The following DPH6 variants were observed in gnomAD, a reference collection of about 807,000 sequenced individuals.
The protein encoded by DPH6 is diphthamine biosynthesis 6, also known as diphthine--ammonia ligase.
A neutral mutation model predicts 38.2 loss-of-function variants in DPH6; 33 were observed. That is an observed-to-expected ratio of 0.86 (90% CI 0.65 to 1.15). The LOEUF (loss-of-function observed/expected upper bound fraction) is 1.15. Ranked by LOEUF, DPH6 falls within the 50% of genes most tolerant of loss-of-function variation. The pLI, the probability that DPH6 is intolerant of heterozygous loss-of-function variation, is 0.00. For synonymous variants in DPH6, 108 were observed against 103.0 expected, an observed-to-expected ratio of 1.05 and a Z score of -0.30; for missense variants, 325 against 320.0, an observed-to-expected ratio of 1.02 and a Z score of -0.12.
intron 3 of DPH6, among the ~76,000 whole-genome samples, chr15:35,243,649 C>T (rs2051616285): frequency 6.7e-6 from 1 of 149,734 alleles, no homozygotes; most frequent in South Asian, 2.2e-4. Flanking sequence ...TGCCCCTGCC[C>T]ACCAGAGAAC....
chr15:35,164,078 A>G, the DPH6 span, among the ~76,000 whole-genome samples: 2 of 151,988 alleles, frequency 1.3e-5, no homozygotes, highest in East Asian at 3.9e-4. Context: ...CAAACCTGTA[A>G]AAGTTTTATA....
chr15:35,538,095 T>C, intron 3 of DPH6, 179 bp downstream of exon 3: 1 of 410,920 alleles, frequency 2.4e-6, no homozygotes, highest in East Asian at 3.6e-5. Context: ...TAAATATCAT[T>C]TAATATAAAG....
At chr15:35,149,178 A>G in the DPH6 span, among the ~76,000 whole-genome samples, 1 of 152,048 alleles carries the variant, frequency 6.6e-6, no homozygotes, top group South Asian at 2.1e-4. Flanking sequence ...CCAAAACTAA[A>G]CTAAACTGAA....
At chr15:35,460,489 A>C (rs887698669) in intron 3 of DPH6, among the ~76,000 whole-genome samples, 2 of 152,216 alleles carry the variant, frequency 1.3e-5, no homozygotes, top group African/African-American at 2.4e-5. Context: ...AAGTGAGACT[A>C]TTCTGCTTAG....
At chr15:35,330,533 C>T (rs2052319416), downstream of DPH6, among the ~76,000 whole-genome samples, 1 of 151,988 alleles carries the variant, frequency 6.6e-6, no homozygotes, top group Non-Finnish European at 1.5e-5. Flanking sequence ...ATCTTAGATG[C>T]CAAAATGTAC....
intron 3 of DPH6, among the ~76,000 whole-genome samples, chr15:35,263,649 G>A (rs546081905): frequency 1.8e-3 from 277 of 151,740 alleles, no homozygotes; most frequent in African/African-American, 6.5e-3. Context: ...GTGATCCTCC[G>A]ACCTAGGCCT....
intron 3 of DPH6, among the ~76,000 whole-genome samples, chr15:35,360,577 CAT>C (rs1225004647): frequency 6.6e-6 from 1 of 152,172 alleles, no homozygotes; most frequent in Non-Finnish European, 1.5e-5. Context: ...TTGAAGGTAA[CAT>C]ATGTGGGTAG....
intron 3 of DPH6, among the ~76,000 whole-genome samples, chr15:35,318,090 T>C (rs2052209212): frequency 6.6e-6 from 1 of 151,960 alleles, no homozygotes; most frequent in South Asian, 2.1e-4. Flanking sequence ...ATTGCTCCAA[T>C]TAAAACCCAA....
intron 8 of DPH6, among the ~76,000 whole-genome samples, chr15:35,372,915 T>A (rs996330161): frequency 1.3e-5 from 2 of 152,004 alleles, no homozygotes; most frequent in African/African-American, 4.8e-5. Context: ...ATCATTTTTA[T>A]GGTAACTAAT....
At chr15:35,222,988 C>T (rs2051452719) in intron 3 of DPH6, among the ~76,000 whole-genome samples, 1 of 152,128 alleles carries the variant, frequency 6.6e-6, no homozygotes, top group African/African-American at 2.4e-5. Flanking sequence ...TCTGGCTTGG[C>T]GATTTTGGCG....
rs555159357 is a variant in DPH6 at position 35,392,504 on chromosome 15, CG to C, written c.568-10589del. Among the ~76,000 whole-genome samples, 38 of 151,686 alleles carry C rather than the reference CG, an allele frequency of 2.5e-4. No individual in the cohort carries two copies. The South Asian group carries it at 7.7e-3, about 31-fold the overall frequency. On this transcript the variant is annotated intron_variant, in intron 6 of 8. Transcript: ENST00000256538. ...AAAAATCGCAATTTCATTTTATAAACGGTATTCTTAACATAGAAGATAATTC... is the reference window on the plus strand; with the variant it reads ...AAAAATCGCAATTTCATTTTATAAACGTATTCTTAACATAGAAGATAATTC...
chr15:35,427,486 T>G (rs1485520772), intron 5 of DPH6, among the ~76,000 whole-genome samples: 1 of 129,546 alleles, frequency 7.7e-6, no homozygotes, highest in Admixed American at 7.4e-5. Flanking sequence ...ATAATCGAAT[T>G]AAGATTTTAT....
At chr15:35,479,701 T>C (rs1424185072) in intron 3 of DPH6, among the ~76,000 whole-genome samples, 1 of 152,086 alleles carries the variant, frequency 6.6e-6, no homozygotes, top group Non-Finnish European at 1.5e-5. Flanking sequence ...CAGGGTTTAA[T>C]TGTTAATGCC....
chr15:35,270,207 C>T (rs1362598998), intron 3 of DPH6, among the ~76,000 whole-genome samples: 1 of 151,670 alleles, frequency 6.6e-6, no homozygotes, highest in East Asian at 1.9e-4. Context: ...TCTATTGGCA[C>T]CAATTAGGAA....
rs545701200 is a variant in DPH6, at chr15:35,496,102, G to A, written c.313-41282C>T. 6.6e-5 allele frequency among the ~76,000 whole-genome samples: 10 copies of A among 152,242 alleles called. No homozygotes were observed. In the South Asian group the frequency reaches 1.9e-3, roughly 28 times the overall value. On this transcript the variant is annotated intron_variant, in intron 3 of 8. Coordinates refer to ENST00000256538, the MANE Select transcript of DPH6 (RefSeq NM_080650.4). ...ATAGCTTCTAAAAGATAGTACAGGA[G>A]AGTATCTTCATGACTTTGTGATACA... is the stretch of plus-strand genomic sequence containing the variant.
chr15:35,458,541 C>G (rs576353697), intron 3 of DPH6, among the ~76,000 whole-genome samples: 1 of 152,120 alleles, frequency 6.6e-6, no homozygotes, highest in Non-Finnish European at 1.5e-5. Flanking sequence ...TAGCTAGGTT[C>G]GGGTCCTGAT....
chr15:35,258,719 C>G (rs2051723728), intron 3 of DPH6, among the ~76,000 whole-genome samples: 3 of 152,140 alleles, frequency 2.0e-5, no homozygotes, highest in African/African-American at 7.2e-5. Flanking sequence ...AACATTTATC[C>G]TTTATAAAGT....
At chr15:35,283,375 C>T (rs2051916215) in intron 3 of DPH6, among the ~76,000 whole-genome samples, 2 of 151,826 alleles carry the variant, frequency 1.3e-5, no homozygotes, top group Non-Finnish European at 2.9e-5. Flanking sequence ...CGGCTCACTG[C>T]AAACTCCATC....
intron 5 of DPH6, among the ~76,000 whole-genome samples, chr15:35,438,459 G>A (rs893182354): frequency 2.6e-5 from 4 of 152,150 alleles, no homozygotes; most frequent in Admixed American, 6.5e-5. Context: ...AATTAGAGGC[G>A]GATGAATCTT....
Sources: allele counts gnomAD v4.1 joint callset (sites outside exome capture counted in the v4.1 genomes callset), GRCh38; gene constraint gnomAD v4.1.1; transcripts MANE v1.5; gene names NCBI Gene and HGNC (gene_info 2026-07-23, HGNC 2026-07-21).